Variants in GLG1 observed in about 807,000 individuals in gnomAD.
The protein encoded by GLG1 is Golgi apparatus protein 1.
GLG1 carries 38 observed loss-of-function variants against 160.5 expected under a neutral mutation model. The observed-to-expected ratio is 0.24, with a 90% CI of 0.18 to 0.31. GLG1 has a LOEUF of 0.31. Ranked by LOEUF, GLG1 falls within the 10% of genes least tolerant of loss-of-function variation. The pLI, the probability that GLG1 is intolerant of heterozygous loss-of-function variation, is 1.00. For missense variants in GLG1, 1,373 were observed against 1,505.2 expected (o/e 0.91, Z 1.45); for synonymous variants, 644 against 543.4 (o/e 1.19, Z -2.57).
intron 4 of GLG1, among the ~76,000 whole-genome samples, chr16:74,502,427 T>TTAA (rs2016438482): frequency 6.6e-6 from 1 of 152,234 alleles, no homozygotes; most frequent in South Asian, 2.1e-4. Context: ...GAGATGAAGA[T>TTAA]TAATAATATA....
intron 1 of GLG1, among the ~76,000 whole-genome samples, chr16:74,549,476 C>T (rs1376101548): frequency 6.6e-6 from 1 of 152,262 alleles, no homozygotes. Context: ...TTAGTAGAGA[C>T]GGGGTTTCAC....
intron 21 of GLG1, 69 bp from the exon 22 acceptor site, chr16:74,462,264 G>T: frequency 4.3e-6 from 3 of 702,480 alleles, no homozygotes; most frequent in Non-Finnish European, 4.6e-6. Context: ...AGCAGGACAT[G>T]AAAAAAAAAA....
At chr16:74,496,364 CAATTA>C (rs748256338) in intron 5 of GLG1, 72 bp downstream of exon 5, 7 of 1,021,832 alleles carry the variant, frequency 6.9e-6, no homozygotes, top group Non-Finnish European at 1.0e-5. Flanking sequence ...AAAAACAACA[CAATTA>C]AATTAATTAA....
At chr16:74,596,701 T>C (rs924387977) in intron 1 of GLG1, among the ~76,000 whole-genome samples, 1 of 152,208 alleles carries the variant, frequency 6.6e-6, no homozygotes, top group African/African-American at 2.4e-5. Flanking sequence ...TTACTTATGC[T>C]TTAGGGACAG....
intron 1 of GLG1, among the ~76,000 whole-genome samples, chr16:74,581,521 T>G (rs1343242948): frequency 7.9e-6 from 1 of 125,814 alleles, no homozygotes; most frequent in Admixed American, 9.2e-5. Context: ...TTATGGAGAT[T>G]CAATGTAAGA....
In GLG1 at chr16:74,463,367, G is replaced by A. The variant is rs865965049; in HGVS notation, c.2780C>T (p.Thr927Ile). 8.1e-6 allele frequency: 13 copies of A among 1,613,960 alleles called. No homozygotes were observed. Among genetic ancestry groups the A allele is most frequent in the Non-Finnish European group, 1.1e-5 (13 of 1,179,998 alleles). ...CKQMITKRQI[T>I]QNTDYRLNPM... ...AGCCAAGATCTTACCTGTGTTCTGG[G>A]TGATCTGGCGCTTGGTTATCATCTG... Residue 927 changes from threonine to isoleucine, a missense_variant, in exon 20 of 26, where the codon ACC becomes ATC. Physicochemically the swap from Thr to Ile is moderately conservative, Grantham distance 89. Around this residue, in one of 4 missense-constraint regions of GLG1, gnomAD observed 491 missense variants for 632.1 expected, o/e 0.78. Coordinates refer to ENST00000422840, the MANE Select transcript of GLG1 (RefSeq NM_001145667.2).
intron 1 of GLG1, among the ~76,000 whole-genome samples, chr16:74,593,547 G>A (rs1245031061): frequency 6.7e-6 from 1 of 149,812 alleles, no homozygotes; most frequent in African/African-American, 2.5e-5. Context: ...CGATTCTCCT[G>A]CCTCAGCCTC....
chr16:74,528,766 C>G (rs1358873365), intron 2 of GLG1, among the ~76,000 whole-genome samples: 5 of 125,918 alleles, frequency 4.0e-5, no homozygotes, highest in Admixed American at 2.7e-4. Context: ...GAGCCGAGAT[C>G]ACACCATTGC....
At position 74,547,643 on chromosome 16, in the gene GLG1, C is replaced by T. The variant is rs563916679; in HGVS notation, c.439-15490G>A. On this transcript the variant is annotated intron_variant, in intron 1 of 25. Coordinates refer to ENST00000422840, the MANE Select transcript of GLG1 (RefSeq NM_001145667.2). Reference sequence around the variant, plus strand: ...CATGAAAATGCTTTGAATGAAAGTGCTTTGAATTTGAGCTATGATGAAGAG... The same window carrying T: ...CATGAAAATGCTTTGAATGAAAGTGTTTTGAATTTGAGCTATGATGAAGAG... Among the ~76,000 whole-genome samples, 7 of 152,318 alleles carry T rather than the reference C, an allele frequency of 4.6e-5. No homozygotes were observed. The East Asian group carries it at 1.2e-3, about 25-fold the overall frequency.
intron 17 of GLG1, chr16:74,468,727 C>G: frequency 1.8e-6 from 1 of 549,956 alleles, no homozygotes; most frequent in Non-Finnish European, 3.3e-6. Context: ...TGTCTTACAG[C>G]TGGACTTCCA....
chr16:74,511,585 TA>T lies in GLG1; in HGVS notation c.472-2661del, dbSNP rs1172903763. Among the ~76,000 whole-genome samples, 180 of 85,298 alleles carry T rather than the reference TA, an allele frequency of 2.1e-3. 2 individuals carry two copies. In the South Asian group the frequency reaches 0.026, roughly 12 times the overall value. The allele number at this position is 85,298 out of a possible 152,430, so 56.0% of individuals were successfully genotyped here. A position where few individuals can be genotyped will look rare whatever the true frequency, so the allele number is the denominator to read the frequency against. The stretch of plus-strand genomic sequence containing the variant: ...GAGAATAACTTGAACCTTTTTTTTT[TA>T]AAAAAAAAAAAAAAAAGAAAGAAAG... On this transcript the variant is annotated intron_variant, in intron 2 of 25. Transcript: ENST00000422840.
At chr16:74,561,968 T>C (rs1212740866) in intron 1 of GLG1, among the ~76,000 whole-genome samples, 1 of 152,252 alleles carries the variant, frequency 6.6e-6, no homozygotes. Context: ...CCTGGGAAGA[T>C]AATTAAAACT....
chr16:74,525,530 A>C (rs2017307923), intron 2 of GLG1, among the ~76,000 whole-genome samples: 2 of 151,116 alleles, frequency 1.3e-5, no homozygotes, highest in African/African-American at 4.9e-5. Context: ...TCCTGGCCTC[A>C]AACTATCCTC....
chr16:74,580,204 G>A (rs1229400739), intron 1 of GLG1, among the ~76,000 whole-genome samples: 3 of 151,802 alleles, frequency 2.0e-5, no homozygotes, highest in Admixed American at 6.6e-5. Flanking sequence ...CAAATTTTAC[G>A]CCTGTGCAGT....
At chr16:74,529,996 G>C (rs895185871) in intron 2 of GLG1, among the ~76,000 whole-genome samples, 4 of 151,552 alleles carry the variant, frequency 2.6e-5, no homozygotes, top group African/African-American at 9.7e-5. Context: ...ATTTTTAGTA[G>C]AGGGGTTTCA....
chr16:74,545,517 G>C (rs540073011), intron 1 of GLG1, among the ~76,000 whole-genome samples: 1 of 152,320 alleles, frequency 6.6e-6, no homozygotes, highest in African/African-American at 2.4e-5. Flanking sequence ...AGAAAAGTAT[G>C]TGTGGAATTT....
At chr16:74,521,902 A>G (rs775183123) in intron 2 of GLG1, among the ~76,000 whole-genome samples, 35 of 152,182 alleles carry the variant, frequency 2.3e-4, no homozygotes, top group Non-Finnish European at 3.8e-4. Flanking sequence ...ATGGGAACCA[A>G]TATCCTTTGT....
At chr16:74,597,791 T>G (rs1161990466) in intron 1 of GLG1, among the ~76,000 whole-genome samples, 1 of 151,068 alleles carries the variant, frequency 6.6e-6, no homozygotes, top group East Asian at 2.0e-4. Flanking sequence ...GAGGTGGAGC[T>G]TGCAGTGAGC....
chr16:74,511,461 G>C (rs563906639), intron 2 of GLG1, among the ~76,000 whole-genome samples: 2 of 152,050 alleles, frequency 1.3e-5, no homozygotes, highest in Non-Finnish European at 2.9e-5. Flanking sequence ...AGACTGGTCT[G>C]GCTAACATGG....
Sources: gnomAD v4.1 joint callset for allele counts (sites outside exome capture counted in the v4.1 genomes callset) on GRCh38, gnomAD v4.1.1 for gene constraint, gnomAD v4.1.1 regional missense constraint, MANE v1.5 for transcripts, NCBI Gene and HGNC (gene_info 2026-07-23, HGNC 2026-07-21) for gene names.